The following COL6A5 variants were observed in gnomAD, a reference collection of about 807,000 sequenced individuals.
COL6A5 encodes the protein collagen alpha-5(VI) chain.
In COL6A5, 48 loss-of-function variants were observed where a neutral mutation model predicts 65.6. The observed-to-expected ratio is 0.73, with a 90% CI of 0.58 to 0.93. The LOEUF is 0.93. Ranked by LOEUF, COL6A5 falls within the 40% of genes least tolerant of loss-of-function variation. The pLI is 0.00. For synonymous variants in COL6A5, 291 were observed against 322.8 expected, an observed-to-expected ratio of 0.90 and a Z score of 1.05; for missense variants, 914 against 928.3, an observed-to-expected ratio of 0.98 and a Z score of 0.20.
At chr3:130,427,073 TTATAA>T (rs1266820129), upstream of COL6A5, among the ~76,000 whole-genome samples, 8 of 152,166 alleles carry the variant, frequency 5.3e-5, no homozygotes, top group Non-Finnish European at 8.8e-5. Flanking sequence ...AATAATTAGG[TTATAA>T]TATATCATCT....
At chr3:130,452,694 A>T (rs1321855311) in intron 4 of COL6A5, among the ~76,000 whole-genome samples, 1 of 152,172 alleles carries the variant, frequency 6.6e-6, no homozygotes, top group Non-Finnish European at 1.5e-5. Flanking sequence ...CATTGATAAC[A>T]TCTTATCAGG....
intron 4 of COL6A5, among the ~76,000 whole-genome samples, chr3:130,447,826 A>G (rs1709343071): frequency 2.3e-5 from 1 of 42,958 alleles, no homozygotes; most frequent in African/African-American, 3.8e-5. Context: ...TGTAGGACCC[A>G]TATAACGGCA....
At chr3:130,394,855 A>C in intron 7 of COL6A5, 35 bp from the exon 8 acceptor site, 1 of 1,493,250 alleles carries the variant, frequency 6.7e-7, no homozygotes, top group Non-Finnish European at 9.0e-7. Flanking sequence ...CGAATGATTC[A>C]TGAGGAAAAT....
rs1936566275 is a variant in COL6A5 at position 130,395,483 on chromosome 3, G to T, written c.3568+18G>T. The T allele has an allele frequency of 6.6e-7, 1 of 1,518,296 alleles. No individual in the cohort carries two copies. Among genetic ancestry groups the T allele is most frequent in the South Asian group, 1.3e-5 (1 of 78,574 alleles). The allele number at this position is 1,518,296 out of a possible 1,614,324, so 94.1% of individuals were successfully genotyped here. A position where few individuals can be genotyped will look rare whatever the true frequency, so the allele number is the denominator to read the frequency against. On this transcript the variant is annotated intron_variant and NMD_transcript_variant, in intron 8 of 41. Coordinates refer to the COL6A5 transcript ENST00000312481. ...GAAAACCAGTAAGTGCTTCTTGTTT[G>T]GTTTTCTTCCATGGAAACTTCTCAT...
At chr3:130,450,142 T>G (rs1264437629) in intron 4 of COL6A5, among the ~76,000 whole-genome samples, 1 of 151,978 alleles carries the variant, frequency 6.6e-6, no homozygotes, top group Non-Finnish European at 1.5e-5. Context: ...TTGTTTGTGC[T>G]GGGGGTTGCG....
chr3:130,462,580 A>C (rs375021168), intron 5 of COL6A5, among the ~76,000 whole-genome samples: 6 of 152,228 alleles, frequency 3.9e-5, no homozygotes, highest in East Asian at 1.9e-4. Flanking sequence ...ATTGTAGTAT[A>C]TTGTTACATA....
intron 6 of COL6A5, among the ~76,000 whole-genome samples, chr3:130,469,941 A>G (rs991361443): frequency 6.6e-6 from 1 of 152,120 alleles, no homozygotes; most frequent in African/African-American, 2.4e-5. Flanking sequence ...GCTGTTGTCT[A>G]GTAAATCACA....
chr3:130,366,576 T>C (rs1292466901), intron 1 of COL6A5, among the ~76,000 whole-genome samples: 1 of 152,258 alleles, frequency 6.6e-6, no homozygotes, highest in South Asian at 2.1e-4. Context: ...TTATGAGTTC[T>C]GATTCCTTGA....
intron 5 of COL6A5, among the ~76,000 whole-genome samples, chr3:130,464,252 C>T (rs1438744501): frequency 1.3e-5 from 2 of 151,948 alleles, no homozygotes; most frequent in Admixed American, 6.6e-5. Context: ...CTGCATAAGC[C>T]TCTCAATAGT....
At chr3:130,392,011 G>A (rs1936420296) in intron 7 of COL6A5, among the ~76,000 whole-genome samples, 1 of 152,132 alleles carries the variant, frequency 6.6e-6, no homozygotes, top group Non-Finnish European at 1.5e-5. Context: ...CTACTCTGTT[G>A]CCTTTTTCTG....
At chr3:130,403,627 G>C in exon 13 of COL6A5, 1 of 1,551,220 alleles carries the variant, frequency 6.4e-7, no homozygotes, top group Non-Finnish European at 8.7e-7. Context: ...AGGTCTGAAA[G>C]GCAGCAGAGG....
At chr3:130,351,108 A>G (rs1013237031) in intron 1 of COL6A5, among the ~76,000 whole-genome samples, 4 of 152,258 alleles carry the variant, frequency 2.6e-5, no homozygotes, top group Admixed American at 2.6e-4. Context: ...CTGGCTAGCC[A>G]TATGTAGAAA....
At chr3:130,381,662 G>C (rs13077171) in intron 4 of COL6A5, among the ~76,000 whole-genome samples, 7,936 of 152,042 alleles carry the variant, frequency 0.052, 294 homozygotes, top group Middle Eastern at 0.11. Context: ...GATATCTGCT[G>C]TCCTCACACA....
exon 16 of COL6A5, chr3:130,406,143 G>T: frequency 6.4e-7 from 1 of 1,550,526 alleles, no homozygotes; most frequent in Non-Finnish European, 8.7e-7. Flanking sequence ...AGGTCATGGA[G>T]ACGATGGGAT....
At chr3:130,455,360 AAGGAGATAATTAAAT>A (rs774033063) in intron 4 of COL6A5, 80 bp from the exon 37 acceptor site, 70 of 704,028 alleles carry the variant, frequency 9.9e-5, no homozygotes, top group Non-Finnish European at 1.6e-4. Flanking sequence ...TTGGTTTTTT[AAGGAGATAATTAAAT>A]ATGTTAAATG....
rs1402280646 is a variant in COL6A5, at chr3:130,393,328, T to C, written c.2993-1562T>C. Among the ~76,000 whole-genome samples, 3 of 152,150 alleles carry C rather than the reference T, an allele frequency of 2.0e-5. No homozygotes were observed. The East Asian group carries it at 5.8e-4, about 29-fold the overall frequency. ...GTCTCACTTTTCTGTCAAATTTCAG[T>C]CTTTGTTTGCTAGTTTCCTGGCCCA... On this transcript the variant is annotated intron_variant and NMD_transcript_variant, in intron 7 of 41. Coordinates refer to the COL6A5 transcript ENST00000312481.
chr3:130,374,251 C>T (rs1935679115), intron 2 of COL6A5, among the ~76,000 whole-genome samples: 1 of 152,108 alleles, frequency 6.6e-6, no homozygotes, highest in Non-Finnish European at 1.5e-5. Context: ...GCCTACTACA[C>T]ACCTAGGGCA....
intron 10 of COL6A5, 86 bp downstream of exon 10, chr3:130,398,197 C>A: frequency 2.4e-6 from 2 of 840,724 alleles, no homozygotes; most frequent in Non-Finnish European, 3.7e-6. Context: ...GTGGCACGAT[C>A]TCAGCTCACT....
At chr3:130,416,358 C>T (rs1032097168) in intron 23 of COL6A5, among the ~76,000 whole-genome samples, 1 of 152,092 alleles carries the variant, frequency 6.6e-6, no homozygotes, top group Non-Finnish European at 1.5e-5. Context: ...TATTGGGAAG[C>T]TGAAACATAT....
Sources: allele counts gnomAD v4.1 joint callset (sites outside exome capture counted in the v4.1 genomes callset), GRCh38; gene constraint gnomAD v4.1.1; transcripts MANE v1.5; gene names NCBI Gene and HGNC (gene_info 2026-07-23, HGNC 2026-07-21).